Variants in ATP8B1 observed in about 807,000 individuals in gnomAD.
ATP8B1 encodes the protein phospholipid-transporting ATPase IC.
In ATP8B1, 80 loss-of-function variants were observed where a neutral mutation model predicts 149.9. The observed-to-expected ratio is 0.53, with a 90% CI of 0.45 to 0.64. ATP8B1 has a LOEUF of 0.64. ATP8B1 is among the 30% of genes least tolerant of loss of function. The probability of loss-of-function intolerance (pLI) is 0.00; values close to 1 mark genes in which losing one functional copy is unlikely to be tolerated. For missense variants in ATP8B1, 1,247 were observed against 1,552.6 expected, an observed-to-expected ratio of 0.80 and a Z score of 3.31; for synonymous variants, 536 against 562.8, an observed-to-expected ratio of 0.95 and a Z score of 0.67.
intron 16 of ATP8B1, 129 bp from the exon 17 acceptor site, chr18:57,671,709 A>AC (rs1859448567): frequency 4.4e-6 from 3 of 681,544 alleles, no homozygotes; most frequent in South Asian, 3.1e-5. Context: ...TGTAGCCTCG[A>AC]CCCCCCAGGC....
intron 11 of ATP8B1, among the ~76,000 whole-genome samples, chr18:57,693,178 C>A (rs1912626241): frequency 6.6e-6 from 1 of 152,078 alleles, no homozygotes; most frequent in South Asian, 2.1e-4. Flanking sequence ...TATATGCAAT[C>A]AAAGAATAAG....
chr18:57,724,104 A>G (rs1443625774), intron 2 of ATP8B1, among the ~76,000 whole-genome samples: 1 of 151,820 alleles, frequency 6.6e-6, no homozygotes, highest in Non-Finnish European at 1.5e-5. Context: ...TCAATTCAAG[A>G]TGGATTAAAG....
At chr18:57,789,979 G>A (rs776398037) in intron 1 of ATP8B1, among the ~76,000 whole-genome samples, 28 of 151,960 alleles carry the variant, frequency 1.8e-4, no homozygotes, top group African/African-American at 6.0e-4. Flanking sequence ...CTTGACCCCC[G>A]ACCACACCTA....
At chr18:57,684,360 T>TC (rs1001237247) in intron 14 of ATP8B1, among the ~76,000 whole-genome samples, 168 bp from the exon 15 acceptor site, 11 of 148,000 alleles carry the variant, frequency 7.4e-5, no homozygotes, top group African/African-American at 2.3e-4. Flanking sequence ...AATAAAAAGC[T>TC]CCCCCCCTTT....
intron 1 of ATP8B1, among the ~76,000 whole-genome samples, chr18:57,770,335 A>C (rs1467966499): frequency 6.6e-6 from 1 of 152,188 alleles, no homozygotes; most frequent in African/African-American, 2.4e-5. Context: ...CCGCAGTCCA[A>C]TATTTCACAT....
chr18:57,712,048 CATATAT>C (rs10622264), intron 2 of ATP8B1, among the ~76,000 whole-genome samples: 9 of 144,328 alleles, frequency 6.2e-5, no homozygotes, highest in African/African-American at 1.9e-4. Context: ...CCTCTATTGG[CATATAT>C]ATATATATAT....
chr18:57,744,448 T>TG (rs1200609767), intron 1 of ATP8B1, among the ~76,000 whole-genome samples: 1 of 151,422 alleles, frequency 6.6e-6, no homozygotes, highest in Non-Finnish European at 1.5e-5. Context: ...AATAAAAGAC[T>TG]GGGGCTGGTT....
intron 1 of ATP8B1, among the ~76,000 whole-genome samples, chr18:57,799,704 CAAAA>C (rs4059219): frequency 2.7e-5 from 3 of 111,002 alleles, no homozygotes; most frequent in Non-Finnish European, 3.9e-5. Context: ...GACTCTGTCT[CAAAA>C]AAAAAAAAAA....
chr18:57,694,796 G>A, intron 10 of ATP8B1, 126 bp from the exon 11 acceptor site: 1 of 747,718 alleles, frequency 1.3e-6, no homozygotes, highest in Non-Finnish European at 2.3e-6. Context: ...TTTGGAGGCT[G>A]AGTTGGGCGG....
At chr18:57,651,887 G>T in intron 26 of ATP8B1, 147 bp downstream of exon 26, 1 of 1,006,724 alleles carries the variant, frequency 9.9e-7, no homozygotes. Context: ...ACTTGCCTCG[G>T]CCTCCCAAAA....
chr18:57,725,546 G>A (rs1458571433), intron 2 of ATP8B1, among the ~76,000 whole-genome samples: 1 of 152,054 alleles, frequency 6.6e-6, no homozygotes, highest in Admixed American at 6.6e-5. Context: ...ATTTGTATGG[G>A]AACCACAGAA....
chr18:57,660,699 AAT>A (rs1472750718), intron 22 of ATP8B1, among the ~76,000 whole-genome samples: 1 of 152,016 alleles, frequency 6.6e-6, no homozygotes, highest in East Asian at 1.9e-4. Context: ...TTGTATTTTT[AAT>A]AGAGACGGGG....
At chr18:57,771,498 G>A (rs1260788801) in intron 1 of ATP8B1, among the ~76,000 whole-genome samples, 3 of 152,118 alleles carry the variant, frequency 2.0e-5, no homozygotes, top group African/African-American at 7.2e-5. Context: ...AGATAACCAG[G>A]TTCCCCTTGC....
intron 21 of ATP8B1, among the ~76,000 whole-genome samples, chr18:57,661,884 AT>A: frequency 6.6e-6 from 1 of 150,852 alleles, no homozygotes; most frequent in South Asian, 2.1e-4. Flanking sequence ...CTGGCTAATT[AT>A]TTTTTTTGTA....
intron 15 of ATP8B1, among the ~76,000 whole-genome samples, chr18:57,682,267 G>A (rs935625588): frequency 5.3e-5 from 8 of 152,262 alleles, no homozygotes; most frequent in African/African-American, 1.9e-4. Context: ...GCCTCCCAAA[G>A]TGCTGGGATT....
rs1000454405 is a variant in ATP8B1 at position 57,688,168 on chromosome 18, T to C, written c.1429+131A>G. 1.5e-5 allele frequency: 15 copies of C among 994,784 alleles called. No homozygotes were observed. The East Asian group carries it at 2.7e-4, about 18-fold the overall frequency. 61.6% of individuals were successfully genotyped at this position (994,784 alleles called of 1,614,324 possible). ...GCTCCTCTGGTGCTTAGCTGGAGAA[T>C]GGCCCTAGCAGCAGGACTCTGCATC... is the stretch of plus-strand genomic sequence containing the variant. On this transcript the variant is annotated intron_variant, in intron 13 of 27. Coordinates refer to ENST00000648908, the MANE Select transcript of ATP8B1 (RefSeq NM_001374385.1).
chr18:57,756,890 T>C (rs890637814), intron 1 of ATP8B1, among the ~76,000 whole-genome samples: 4 of 152,220 alleles, frequency 2.6e-5, no homozygotes, highest in African/African-American at 9.6e-5. Context: ...CTCCACTGTA[T>C]GTATTTTTTG....
Position 57,673,326 on chromosome 18 carries a change from T to G in ATP8B1, c.1819+1508A>C, listed in dbSNP as rs181283972. Among the ~76,000 whole-genome samples, 252 of 152,044 alleles carry G rather than the reference T, an allele frequency of 1.7e-3. 1 individual carries two copies. The highest frequency in any genetic ancestry group is 3.4e-3 in the Middle Eastern group (1 of 292). On this transcript the variant is annotated intron_variant, in intron 16 of 27. Transcript: ENST00000648908. ...GATCCTGGACCAGAAAAACAAAGAA[T>G]GAACCTCCCTGGTAAAATCTGATAA...
intron 6 of ATP8B1, among the ~76,000 whole-genome samples, chr18:57,699,181 A>G (rs1417936806): frequency 6.6e-6 from 1 of 152,246 alleles, no homozygotes; most frequent in Non-Finnish European, 1.5e-5. Context: ...CACTGAGGAA[A>G]GTAACCTGAC....
Sources: gnomAD v4.1 joint callset for allele counts (sites outside exome capture counted in the v4.1 genomes callset) on GRCh38, gnomAD v4.1.1 for gene constraint, MANE v1.5 for transcripts, NCBI Gene and HGNC (gene_info 2026-07-23, HGNC 2026-07-21) for gene names.